The following TMEM184B variants were observed in gnomAD, a reference collection of about 807,000 sequenced individuals.
TMEM184B encodes putative MAPK-activating protein FM08.
Under a neutral mutation model 41.8 loss-of-function variants are expected in TMEM184B, and 17 were observed. That is an observed-to-expected ratio of 0.41 (90% confidence interval 0.28 to 0.61). The LOEUF is 0.61. Among genes scored for constraint, TMEM184B ranks in the 20% least tolerant of loss-of-function variants. The probability of loss-of-function intolerance (pLI) is 0.34; values close to 1 mark genes in which losing one functional copy is unlikely to be tolerated. For synonymous variants in TMEM184B, 240 were observed against 229.5 expected (o/e 1.05, Z -0.41); for missense variants, 393 against 557.8 (o/e 0.70, Z 2.98).
At chr22:38,246,896 A>G in intron 2 of TMEM184B, 1 of 1,300,134 alleles carries the variant, frequency 7.7e-7, no homozygotes, top group Non-Finnish European at 1.0e-6. Context: ...CTGGGGAGGA[A>G]AAGAACAAAA....
rs2091417000 is a variant in TMEM184B, at chr22:38,225,785, G to A, written c.618-192C>T. ...GGGGGTACATGGGGTGCGCCTGCAG[G>A]CCAGACCAGCTCTACTGCCTCTGCG... On this transcript the variant is annotated intron_variant, in intron 6 of 8. Transcript: ENST00000361906. The surrounding 1 kb of genome is among the most constrained non-coding windows in gnomAD (Gnocchi z 4.4). 6.6e-6 allele frequency among the ~76,000 whole-genome samples: 1 copy of A among 152,176 alleles called. No homozygotes were observed. Among genetic ancestry groups the A allele is most frequent in the South Asian group, 2.1e-4 (1 of 4,834 alleles).
chr22:38,272,015 C>T (rs748119203), intron 1 of TMEM184B, among the ~76,000 whole-genome samples: 1 of 152,242 alleles, frequency 6.6e-6, no homozygotes, highest in Non-Finnish European at 1.5e-5. Context: ...CTTACAAAAG[C>T]ACCAGCAGTC....
intron 1 of TMEM184B, among the ~76,000 whole-genome samples, chr22:38,264,590 C>T (rs977947744): frequency 2.0e-5 from 3 of 152,226 alleles, no homozygotes; most frequent in African/African-American, 4.8e-5. Flanking sequence ...CATCACAGAT[C>T]TGTTATGTAA....
At chr22:38,260,082 G>T (rs997372763) in intron 1 of TMEM184B, among the ~76,000 whole-genome samples, 15 of 151,682 alleles carry the variant, frequency 9.9e-5, no homozygotes, top group African/African-American at 2.9e-4. Flanking sequence ...TGCTAATTTT[G>T]TATTCTTAGT....
chr22:38,217,282 AG>A (rs2091159755), downstream of TMEM184B, among the ~76,000 whole-genome samples: 1 of 148,332 alleles, frequency 6.7e-6, no homozygotes, highest in African/African-American at 2.5e-5. Flanking sequence ...CAGGAGATCG[AG>A]ACCATCCTGG....
At chr22:38,237,139 A>G (rs116921347) in intron 3 of TMEM184B, among the ~76,000 whole-genome samples, 2,002 of 152,222 alleles carry the variant, frequency 0.013, 33 homozygotes, top group Non-Finnish European at 0.019. Flanking sequence ...TACAGGACCC[A>G]GCAGTTGTAA....
intron 5 of TMEM184B, among the ~76,000 whole-genome samples, chr22:38,229,398 A>T (rs135706): frequency 6.6e-5 from 10 of 152,236 alleles, no homozygotes; most frequent in Non-Finnish European, 1.0e-4. Context: ...AACCATCTCT[A>T]GAGAGGAGTA....
chr22:38,256,424 G>C (rs903643254), intron 1 of TMEM184B, among the ~76,000 whole-genome samples: 2 of 152,002 alleles, frequency 1.3e-5, no homozygotes, highest in African/African-American at 4.8e-5. Context: ...TTATTGGCCA[G>C]GCTGGTCTCT....
intron 1 of TMEM184B, among the ~76,000 whole-genome samples, chr22:38,248,785 T>G (rs535116016): frequency 3.9e-5 from 6 of 152,360 alleles, no homozygotes; most frequent in African/African-American, 1.4e-4. Context: ...CTGGTGGGCC[T>G]GAACATCTTT....
At chr22:38,236,488 G>A in intron 3 of TMEM184B, among the ~76,000 whole-genome samples, 1 of 148,814 alleles carries the variant, frequency 6.7e-6, no homozygotes, top group East Asian at 2.0e-4. Context: ...TCCTTTTTTT[G>A]TTTTTTTTTT....
chr22:38,217,343 AC>A (rs1436770826), downstream of TMEM184B, among the ~76,000 whole-genome samples: 1 of 44,434 alleles, frequency 2.3e-5, no homozygotes, highest in African/African-American at 1.6e-4. Context: ...AACAACAACA[AC>A]AAAAAAAAAA....
downstream of TMEM184B, among the ~76,000 whole-genome samples, chr22:38,218,774 T>C (rs981907064): frequency 6.6e-6 from 1 of 152,112 alleles, no homozygotes; most frequent in African/African-American, 2.4e-5. Context: ...CTGGTGGGAA[T>C]TCCCCCACCC....
chr22:38,242,979 T>C (rs1026913545), intron 3 of TMEM184B, among the ~76,000 whole-genome samples: 21 of 149,692 alleles, frequency 1.4e-4, no homozygotes, highest in Admixed American at 3.4e-4. Flanking sequence ...GGGGAATCAC[T>C]TGAACCTAGG....
rs149190219 is a variant in TMEM184B, at chr22:38,272,306, A to C, written c.-59+578T>G. On this transcript the variant is annotated intron_variant, in intron 1 of 8. Coordinates refer to ENST00000361906, the MANE Select transcript of TMEM184B (RefSeq NM_012264.5). Reference sequence around the variant, plus strand: ...CACGGGAAGGATACAGACACCCAAAACCAGTCTCCACGGTCCCTTTGGGGG... The same window carrying C: ...CACGGGAAGGATACAGACACCCAAACCCAGTCTCCACGGTCCCTTTGGGGG... 2.9e-3 allele frequency among the ~76,000 whole-genome samples: 447 copies of C among 151,986 alleles called. 1 individual carries two copies. The highest frequency in any genetic ancestry group is 0.01 in the African/African-American group (432 of 41,454).
At chr22:38,268,427 C>A (rs1018092096) in intron 1 of TMEM184B, among the ~76,000 whole-genome samples, 1 of 150,866 alleles carries the variant, frequency 6.6e-6, no homozygotes, top group Non-Finnish European at 1.5e-5. Context: ...ACTGTTAGTA[C>A]CTGCACCACA....
At chr22:38,259,315 T>G (rs533896843) in intron 1 of TMEM184B, among the ~76,000 whole-genome samples, 6 of 152,186 alleles carry the variant, frequency 3.9e-5, no homozygotes, top group Non-Finnish European at 1.5e-5. Flanking sequence ...CCCAAAGATG[T>G]TGACATCCTA....
chr22:38,244,029 G>A (rs1295277368), intron 3 of TMEM184B, among the ~76,000 whole-genome samples: 1 of 152,184 alleles, frequency 6.6e-6, no homozygotes, highest in Non-Finnish European at 1.5e-5. Context: ...CGGGGACACA[G>A]CACGTATCAA....
At chr22:38,217,052 C>T (rs543286261), downstream of TMEM184B, among the ~76,000 whole-genome samples, 9 of 152,000 alleles carry the variant, frequency 5.9e-5, no homozygotes, top group South Asian at 8.3e-4. Context: ...ACAGGCCGGG[C>T]GCAGTGGCTC....
At chr22:38,234,746 C>G (rs1052479505) in intron 3 of TMEM184B, among the ~76,000 whole-genome samples, 2 of 152,194 alleles carry the variant, frequency 1.3e-5, no homozygotes, top group Non-Finnish European at 1.5e-5. Context: ...TCTCTGGGCT[C>G]TGCCTGATCC....
Sources: gnomAD v4.1 joint callset for allele counts (sites outside exome capture counted in the v4.1 genomes callset) on GRCh38, gnomAD v4.1.1 for gene constraint, Gnocchi (gnomAD v3.1) non-coding constraint, MANE v1.5 for transcripts, NCBI Gene and HGNC (gene_info 2026-07-23, HGNC 2026-07-21) for gene names.